The following ATP10A variants were observed in gnomAD, a reference collection of about 807,000 sequenced individuals.
ATP10A encodes ATPase phospholipid transporting 10A (putative).
ATP10A carries 111 observed loss-of-function variants against 147.8 expected under a neutral mutation model. The observed-to-expected ratio is 0.75, with a 90% confidence interval of 0.64 to 0.88. The LOEUF (loss-of-function observed/expected upper bound fraction) is 0.88, where lower values mean the gene tolerates loss of function less well. Among genes scored for constraint, ATP10A ranks in the 40% least tolerant of loss-of-function variants. ATP10A has a pLI of 0.00. For synonymous variants in ATP10A, 875 were observed against 841.6 expected (o/e 1.04, Z -0.69); for missense variants, 1,927 against 1,959.0 (o/e 0.98, Z 0.31).
intron 1 of ATP10A, among the ~76,000 whole-genome samples, chr15:25,848,527 C>T (rs773347027): frequency 3.6e-4 from 55 of 152,216 alleles, no homozygotes; most frequent in African/African-American, 1.0e-3. Flanking sequence ...ATGGTTTCGG[C>T]AGGGCGGCGG....
chr15:25,760,259 A>G (rs1341538389), intron 2 of ATP10A, among the ~76,000 whole-genome samples: 4 of 152,214 alleles, frequency 2.6e-5, no homozygotes, highest in Non-Finnish European at 4.4e-5. Flanking sequence ...ATTATATGGG[A>G]AGCACTGTCA....
intron 1 of ATP10A, among the ~76,000 whole-genome samples, chr15:25,820,987 G>GA (rs1320287940): frequency 1.3e-5 from 2 of 152,008 alleles, no homozygotes; most frequent in Non-Finnish European, 2.9e-5. Flanking sequence ...GATAAAGTGG[G>GA]AAAAATACTT....
At chr15:25,775,934 T>C (rs945758477) in intron 2 of ATP10A, among the ~76,000 whole-genome samples, 17 of 152,252 alleles carry the variant, frequency 1.1e-4, no homozygotes, top group African/African-American at 3.9e-4. Flanking sequence ...TTCTGCTTTC[T>C]CGTCTACAGT....
At chr15:25,820,219 C>A (rs1891823341) in intron 1 of ATP10A, among the ~76,000 whole-genome samples, 3 of 152,152 alleles carry the variant, frequency 2.0e-5, no homozygotes, top group Non-Finnish European at 2.9e-5. Flanking sequence ...TCTGCATCAG[C>A]AATAACTAGC....
At chr15:25,819,108 A>T (rs141734192) in intron 1 of ATP10A, among the ~76,000 whole-genome samples, 1 of 152,348 alleles carries the variant, frequency 6.6e-6, no homozygotes, top group East Asian at 1.9e-4. Context: ...GCTTCTGCAC[A>T]GCAAAAGAAA....
chr15:25,836,927 T>G (rs888558781), intron 1 of ATP10A, among the ~76,000 whole-genome samples: 19 of 152,206 alleles, frequency 1.2e-4, no homozygotes, highest in African/African-American at 4.6e-4. Flanking sequence ...ACACACCACC[T>G]GCCATGGGGC....
intron 3 of ATP10A, among the ~76,000 whole-genome samples, chr15:25,733,073 T>C (rs948554519): frequency 2.0e-5 from 3 of 152,186 alleles, no homozygotes; most frequent in Admixed American, 1.3e-4. Flanking sequence ...CTCAGTTCTG[T>C]TCTCCAAGTG....
At chr15:25,823,692 C>T (rs4906784) in intron 1 of ATP10A, among the ~76,000 whole-genome samples, 146,423 of 152,302 alleles carry the variant, frequency 0.96, 70,672 homozygotes, top group East Asian at 1. Flanking sequence ...ATAAGGCAAG[C>T]AAAAAATTTT....
At chr15:25,815,202 TA>T (rs1891598298) in intron 1 of ATP10A, among the ~76,000 whole-genome samples, 1 of 152,094 alleles carries the variant, frequency 6.6e-6, no homozygotes, top group South Asian at 2.1e-4. Context: ...AAACCACAAA[TA>T]AATGCCTACT....
chr15:25,780,257 C>A (rs1036309625), intron 2 of ATP10A, among the ~76,000 whole-genome samples: 1 of 152,250 alleles, frequency 6.6e-6, no homozygotes, highest in Non-Finnish European at 1.5e-5. Context: ...CCGGCTTCCC[C>A]ACCCTTCAGG....
chr15:25,787,564 A>AT (rs1407070367), intron 1 of ATP10A, among the ~76,000 whole-genome samples: 1 of 148,960 alleles, frequency 6.7e-6, no homozygotes, highest in Non-Finnish European at 1.5e-5. Flanking sequence ...GTAAGCCCTG[A>AT]TTGCGCCACT....
chr15:25,770,357 C>T (rs772222514), intron 2 of ATP10A, among the ~76,000 whole-genome samples: 115 of 152,202 alleles, frequency 7.6e-4, no homozygotes, highest in Non-Finnish European at 1.3e-3. Flanking sequence ...CACGGCCAGG[C>T]CCTGCGCCCC....
At chr15:25,833,981 G>GAAAA (rs1567418808) in intron 1 of ATP10A, among the ~76,000 whole-genome samples, 4 of 147,772 alleles carry the variant, frequency 2.7e-5, no homozygotes, top group African/African-American at 1.0e-4. Context: ...CAAAAAAAAC[G>GAAAA]AACAAACAAA....
intron 6 of ATP10A, among the ~76,000 whole-genome samples, chr15:25,722,468 G>A (rs968178064): frequency 6.6e-6 from 1 of 152,174 alleles, no homozygotes; most frequent in Non-Finnish European, 1.5e-5. Flanking sequence ...AAAACATTCA[G>A]TGATGCCTCC....
At chr15:25,845,587 C>T (rs1892988815) in intron 1 of ATP10A, among the ~76,000 whole-genome samples, 1 of 152,156 alleles carries the variant, frequency 6.6e-6, no homozygotes, top group African/African-American at 2.4e-5. Context: ...CCCATGCTGA[C>T]AGCAACTCTC....
chr15:25,726,254 A>G (rs139700340), intron 4 of ATP10A, among the ~76,000 whole-genome samples, 172 bp from the exon 5 acceptor site: 6 of 152,304 alleles, frequency 3.9e-5, no homozygotes, highest in African/African-American at 9.6e-5. Flanking sequence ...CAGGTCTGAA[A>G]ATAAATAAAA....
At chr15:25,732,021 C>T (rs962105044) in intron 3 of ATP10A, among the ~76,000 whole-genome samples, 2 of 151,940 alleles carry the variant, frequency 1.3e-5, no homozygotes, top group Non-Finnish European at 2.9e-5. Context: ...ACACCCACAC[C>T]AGGCTAATTT....
intron 2 of ATP10A, among the ~76,000 whole-genome samples, chr15:25,743,724 G>A (rs1887687198): frequency 6.6e-6 from 1 of 152,216 alleles, no homozygotes; most frequent in Non-Finnish European, 1.5e-5. Context: ...AGGTCTCACT[G>A]AGCTACAGTC....
chr15:25,677,587 G>A (rs923921903), downstream of ATP10A: 9 of 152,184 alleles, frequency 5.9e-5, no homozygotes, highest in Non-Finnish European at 1.0e-4. Flanking sequence ...TTAATTCAGG[G>A]AGCAGTGTCA....
Sources: allele counts gnomAD v4.1 joint callset (sites outside exome capture counted in the v4.1 genomes callset), GRCh38; gene constraint gnomAD v4.1.1; transcripts MANE v1.5; gene names NCBI Gene and HGNC (gene_info 2026-07-23, HGNC 2026-07-21).